The following IGDCC3 variants were observed in gnomAD, a reference collection of about 807,000 sequenced individuals.
The protein encoded by IGDCC3 is immunoglobulin superfamily DCC subclass member 3, also known as putative neuronal cell adhesion molecule.
IGDCC3 carries 47 observed loss-of-function variants against 72.0 expected under a neutral mutation model. That is an observed-to-expected ratio of 0.65 (90% CI 0.52 to 0.83). IGDCC3 has a LOEUF of 0.83. Among genes scored for constraint, IGDCC3 ranks in the 40% least tolerant of loss-of-function variants. The pLI, the probability that IGDCC3 is intolerant of heterozygous loss-of-function variation, is 0.00. For missense variants in IGDCC3, 1,038 were observed against 1,091.3 expected (o/e 0.95, Z 0.69); for synonymous variants, 477 against 472.8 (o/e 1.01, Z -0.11).
In IGDCC3 at chr15:65,375,338, C is replaced by G. The variant is rs753590214; in HGVS notation, c.168G>C (p.Gly56=). Residue 56 remains glycine, a synonymous_variant, in exon 2 of 14, where the codon GGG becomes GGC. Transcript: ENST00000327987. ...CCCTGCAGTCCAGCACTATAGGCTGCCCGGGGACGGCAACATCATCACTTG... is the reference window on the plus strand; with the variant it reads ...CCCTGCAGTCCAGCACTATAGGCTGGCCGGGGACGGCAACATCATCACTTG... ...VEPSDDVAVP[G]QPIVLDCRVE... 1.6e-5 allele frequency: 26 copies of G among 1,611,096 alleles called. No homozygotes were observed. The South Asian group carries it at 2.1e-4, about 13-fold the overall frequency.
In IGDCC3 at chr15:65,329,507, C is replaced by T. The variant is rs979697802; in HGVS notation, c.2088G>A (p.Gly696=). 1 of 1,606,940 alleles carries T rather than the reference C, an allele frequency of 6.2e-7. No homozygotes were observed. Among genetic ancestry groups the T allele is most frequent in the Admixed American group, 1.8e-5 (1 of 57,102 alleles). ...QRDPGILALN[G]ARRGQRGQLG... ...GCTGGCCCCGCTGTCCCCGTCTCGC[C>T]CCATTTAGGGCTAGAATGCCAGGGT... Residue 696 remains glycine (G), a synonymous_variant, in exon 13 of 14, where the codon GGG becomes GGA. Transcript: ENST00000327987. This position sits in a 1 kb window ranked among gnomAD's most constrained non-coding sequence, Gnocchi z 4.1.
chr15:65,342,646 TC>T (rs1365527648), intron 2 of IGDCC3, among the ~76,000 whole-genome samples: 2 of 151,982 alleles, frequency 1.3e-5, no homozygotes, highest in Non-Finnish European at 2.9e-5. Flanking sequence ...CCAGAGAGCA[TC>T]CCTCCTCTCC....
At position 65,329,412 on chromosome 15, in the gene IGDCC3, C is replaced by T; in HGVS notation, c.2183G>A (p.Gly728Glu). Reference protein sequence around the residue: ...EQLFPPASAAGQPDPRPTQDP... With the variant: ...EQLFPPASAAEQPDPRPTQDP... Reference sequence around the variant, plus strand: ...CACTGTGGGTCTGGGGTCCGGCTGCCCTGCTGCGCTGGCCGGGGGGAACAG... The same window carrying T: ...CACTGTGGGTCTGGGGTCCGGCTGCTCTGCTGCGCTGGCCGGGGGGAACAG... Residue 728 changes from glycine (G) to glutamate (E), a missense_variant, in exon 13 of 14, where the codon GGG (glycine) becomes GAG (glutamate). Transcript: ENST00000327987. The surrounding 1 kb of genome is among the most constrained non-coding windows in gnomAD (Gnocchi z 4.1). The T allele has an allele frequency of 4.4e-6, 7 of 1,592,142 alleles. No homozygotes were observed. Among genetic ancestry groups the T allele is most frequent in the Non-Finnish European group, 6.0e-6 (7 of 1,172,628 alleles).
rs1407486793 is a variant in IGDCC3 at position 65,329,457 on chromosome 15, T to G, written c.2138A>C (p.Asp713Ala). Residue 713 changes from aspartate to alanine, a missense_variant, in exon 13 of 14, where the codon GAT (aspartate) becomes GCT (alanine). Transcript: ENST00000327987. This position sits in a 1 kb window ranked among gnomAD's most constrained non-coding sequence, Gnocchi z 4.1. Reference protein sequence around the residue: ...GQLGRDEKRVDMKELEQLFPP... With the variant: ...GQLGRDEKRVAMKELEQLFPP... ...GAACAGCTGCTCCAGCTCCTTCATATCCACACGTTTCTCGTCTCGGCCCAG... is the reference window on the plus strand; with the variant it reads ...GAACAGCTGCTCCAGCTCCTTCATAGCCACACGTTTCTCGTCTCGGCCCAG... 2 of 1,610,596 alleles carry G rather than the reference T, an allele frequency of 1.2e-6. No homozygotes were observed. Among genetic ancestry groups the G allele is most frequent in the Non-Finnish European group, 1.7e-6 (2 of 1,178,934 alleles).
chr15:65,337,582 G>A (rs974745025), intron 2 of IGDCC3, among the ~76,000 whole-genome samples: 2 of 152,168 alleles, frequency 1.3e-5, no homozygotes, highest in African/African-American at 4.8e-5. Context: ...GGGAGCACTG[G>A]GAGGTGGGCC....
chr15:65,340,781 T>C (rs992883395), intron 2 of IGDCC3, among the ~76,000 whole-genome samples: 2 of 152,244 alleles, frequency 1.3e-5, no homozygotes, highest in Non-Finnish European at 2.9e-5. Context: ...TAGGCTGCAG[T>C]GCAGTGGTGA....
chr15:65,364,558 A>G (rs1036908758), intron 2 of IGDCC3, among the ~76,000 whole-genome samples: 1 of 152,148 alleles, frequency 6.6e-6, no homozygotes, highest in African/African-American at 2.4e-5. Flanking sequence ...AGGCTTAACA[A>G]GCCCACACCC....
At chr15:65,375,007 A>G in intron 2 of IGDCC3, 90 bp downstream of exon 2, 3 of 1,168,606 alleles carry the variant, frequency 2.6e-6, no homozygotes, top group South Asian at 2.8e-5. Context: ...GCTGCATAAG[A>G]TGGGACTGCT....
In IGDCC3 at chr15:65,329,850, A is replaced by G. The variant is rs923441051; in HGVS notation, c.1873T>C (p.Cys625Arg). 3.1e-6 allele frequency: 5 copies of G among 1,613,882 alleles called. No individual in the cohort carries two copies. Among genetic ancestry groups the G allele is most frequent in the East Asian group, 2.2e-5 (1 of 44,872 alleles). Residue 625 changes from cysteine (C) to arginine (R), a missense_variant, in exon 12 of 14, where the codon TGT becomes CGT. Transcript: ENST00000327987. The surrounding 1 kb of genome is among the most constrained non-coding windows in gnomAD (Gnocchi z 4.1). ...GCGGCCTCCTCCTTCCGGCAGTCAC[A>G]TGGTGGGCTCAAGGCTGGGGACAGG... ...ASERTALSPP[C>R]DCRKEEAANQ...
chr15:65,330,114 A>C (rs1289934346), intron 11 of IGDCC3, among the ~76,000 whole-genome samples, 179 bp downstream of exon 11: 1 of 152,212 alleles, frequency 6.6e-6, no homozygotes, highest in Non-Finnish European at 1.5e-5. Context: ...TGTATTATAG[A>C]GAAAACTGGG....
intron 2 of IGDCC3, among the ~76,000 whole-genome samples, chr15:65,357,870 T>C (rs1309161394): frequency 6.6e-6 from 1 of 152,196 alleles, no homozygotes; most frequent in Non-Finnish European, 1.5e-5. Context: ...TACTCCCTGT[T>C]AGACCTATCT....
rs754393804 is a variant in IGDCC3, at chr15:65,330,666, C to A, written c.1637G>T (p.Arg546Leu). ...GAAGCCGCCCTCGTGCTGGGCCAGC[C>A]GGGGCCAAGGCTCCCACAGCAGCTG... ...SLQLLWEPWP[R>L]LAQHEGGFKL... The change falls in exon 10 of 14, where the codon CGG becomes CTG. Residue 546 changes from arginine to leucine, a missense_variant. Coordinates refer to ENST00000327987, the MANE Select transcript of IGDCC3 (RefSeq NM_004884.4). 2 of 1,613,492 alleles carry A rather than the reference C, an allele frequency of 1.2e-6. No homozygotes were observed. The highest frequency in any genetic ancestry group is 1.7e-4 in the Middle Eastern group (1 of 5,890).
chr15:65,362,962 C>G (rs1595763487), intron 2 of IGDCC3, among the ~76,000 whole-genome samples: 1 of 148,546 alleles, frequency 6.7e-6, no homozygotes, highest in South Asian at 2.1e-4. Context: ...TCCAGCGATT[C>G]TCCTGTCTCA....
At chr15:65,350,008 T>C (rs543850752) in intron 2 of IGDCC3, among the ~76,000 whole-genome samples, 2 of 152,338 alleles carry the variant, frequency 1.3e-5, no homozygotes, top group East Asian at 1.9e-4. Flanking sequence ...GTGGACTGTT[T>C]TAAATTTTCC....
rs111816416 is a variant in IGDCC3, at chr15:65,335,317, C to T, written c.659G>A (p.Ser220Asn). 1.2e-6 allele frequency: 2 copies of T among 1,612,946 alleles called. No individual in the cohort carries two copies. The highest frequency in any genetic ancestry group is 8.5e-7 in the Non-Finnish European group (1 of 1,179,400). Residue 220 changes from serine (S) to asparagine (N), a missense_variant, in exon 4 of 14, where the codon AGC (serine) becomes AAC (asparagine). Ser to Asn is a conservative substitution (Grantham distance 46). Transcript: ENST00000327987. The stretch of plus-strand genomic sequence containing the variant: ...TGACACAGTGAGCCTGGCCCCGTGG[C>T]TGATCCGGATACTGGCGATGTTTGA... ...VASNIASIRI[S>N]HGARLTVSGS...
intron 2 of IGDCC3, among the ~76,000 whole-genome samples, chr15:65,353,598 G>A (rs1354877936): frequency 6.6e-6 from 1 of 152,084 alleles, no homozygotes; most frequent in Admixed American, 6.6e-5. Flanking sequence ...AGATAAAAAG[G>A]TCAGCACAAA....
At chr15:65,370,596 A>T (rs2091318125) in intron 2 of IGDCC3, among the ~76,000 whole-genome samples, 1 of 116,716 alleles carries the variant, frequency 8.6e-6, no homozygotes, top group Non-Finnish European at 1.7e-5. Flanking sequence ...ATGTATATAT[A>T]TGTATGTGTA....
Position 65,377,102 on chromosome 15 carries a change from G to A in IGDCC3, c.103+584C>T, listed in dbSNP as rs998037172. ...GCTTCTCCTCTCCTTCTTGGCTCACGGGCTCTGTCCCGGGTCGCTCCCTAG... is the reference window on the plus strand; with the variant it reads ...GCTTCTCCTCTCCTTCTTGGCTCACAGGCTCTGTCCCGGGTCGCTCCCTAG... On this transcript the variant is annotated intron_variant, in intron 1 of 13. Transcript: ENST00000327987. This position sits in a 1 kb window ranked among gnomAD's most constrained non-coding sequence, Gnocchi z 4.9. 6.6e-6 allele frequency among the ~76,000 whole-genome samples: 1 copy of A among 152,104 alleles called. No homozygotes were observed. The highest frequency in any genetic ancestry group is 1.5e-5 in the Non-Finnish European group (1 of 68,022).
chr15:65,345,365 G>C (rs947580036), intron 2 of IGDCC3, among the ~76,000 whole-genome samples: 1 of 152,076 alleles, frequency 6.6e-6, no homozygotes, highest in Non-Finnish European at 1.5e-5. Flanking sequence ...ACCAGCTTGG[G>C]CAACATGGTG....
Sources: allele counts gnomAD v4.1 joint callset (sites outside exome capture counted in the v4.1 genomes callset), GRCh38; gene constraint gnomAD v4.1.1; non-coding constraint Gnocchi (gnomAD v3.1); transcripts MANE v1.5; gene names NCBI Gene and HGNC (gene_info 2026-07-23, HGNC 2026-07-21).